CSMD1: variants seen among roughly 807,000 people sequenced by gnomAD.
CSMD1 encodes the protein CUB and sushi domain-containing protein 1.
CSMD1 carries 213 observed loss-of-function variants against 417.5 expected under a neutral mutation model. That is an observed-to-expected ratio of 0.51 (90% CI 0.46 to 0.57). The LOEUF is 0.57. CSMD1 is among the 20% of genes least tolerant of loss of function. CSMD1 has a pLI of 0.00. For synonymous variants in CSMD1, 2,862 were observed against 1,736.8 expected, an observed-to-expected ratio of 1.65 and a Z score of -16.11; for missense variants, 6,923 against 4,529.7, an observed-to-expected ratio of 1.53 and a Z score of -15.17.
At chr8:3,589,215 T>C (rs983581561) in intron 8 of CSMD1, among the ~76,000 whole-genome samples, 2 of 152,146 alleles carry the variant, frequency 1.3e-5, no homozygotes, top group African/African-American at 4.8e-5. Context: ...AACTACTACA[T>C]GATCTAGAAT....
At chr8:3,278,086 G>A (rs1384936495) in intron 26 of CSMD1, among the ~76,000 whole-genome samples, 1 of 151,902 alleles carries the variant, frequency 6.6e-6, no homozygotes, top group Non-Finnish European at 1.5e-5. Context: ...GAGTTTCAAG[G>A]GAAAAAATAT....
At chr8:4,435,900 G>A (rs1798122564) in intron 2 of CSMD1, among the ~76,000 whole-genome samples, 3 of 152,138 alleles carry the variant, frequency 2.0e-5, no homozygotes, top group South Asian at 2.1e-4. Flanking sequence ...TGTGTCAAAT[G>A]TAGATTTGAC....
intron 12 of CSMD1, among the ~76,000 whole-genome samples, chr8:3,451,838 TC>T (rs1272245812): frequency 6.6e-6 from 1 of 152,184 alleles, no homozygotes; most frequent in Non-Finnish European, 1.5e-5. Context: ...AGTAGTTTTT[TC>T]CAATTACGTG....
chr8:4,447,377 T>C (rs1798876615), intron 2 of CSMD1, among the ~76,000 whole-genome samples: 1 of 152,196 alleles, frequency 6.6e-6, no homozygotes, highest in African/African-American at 2.4e-5. Flanking sequence ...AGAAATCCCT[T>C]TCAGCTCCTT....
At chr8:3,881,729 C>T (rs1433931488) in intron 5 of CSMD1, among the ~76,000 whole-genome samples, 1 of 151,470 alleles carries the variant, frequency 6.6e-6, no homozygotes, top group Non-Finnish European at 1.5e-5. Context: ...CTTACACTAC[C>T]AGTTATCAAA....
At chr8:4,379,452 G>C (rs867000143) in intron 3 of CSMD1, among the ~76,000 whole-genome samples, 5 of 152,180 alleles carry the variant, frequency 3.3e-5, no homozygotes, top group African/African-American at 9.7e-5. Flanking sequence ...TAATAATGCT[G>C]TGTCAACATT....
At chr8:4,398,935 A>C (rs746477298) in intron 3 of CSMD1, among the ~76,000 whole-genome samples, 3 of 152,198 alleles carry the variant, frequency 2.0e-5, no homozygotes, top group Admixed American at 6.5e-5. Flanking sequence ...ATGCTCCAGA[A>C]TATATTCTTG....
intron 3 of CSMD1, among the ~76,000 whole-genome samples, chr8:4,095,853 A>C (rs1049690535): frequency 6.6e-6 from 1 of 152,158 alleles, no homozygotes; most frequent in African/African-American, 2.4e-5. Context: ...AAAACTTTTT[A>C]AAGTGTTGAA....
chr8:3,004,342 C>T (rs574784136), intron 52 of CSMD1, among the ~76,000 whole-genome samples: 15 of 152,260 alleles, frequency 9.9e-5, no homozygotes, highest in African/African-American at 2.6e-4. Context: ...ACAGCTCGGA[C>T]ATCATGAAGC....
chr8:4,347,882 C>G (rs1028573739), intron 3 of CSMD1, among the ~76,000 whole-genome samples: 4 of 151,700 alleles, frequency 2.6e-5, no homozygotes, highest in African/African-American at 4.8e-5. Context: ...CAAAGTTAAT[C>G]CATGATAAGA....
chr8:4,323,133 A>C (rs1025535975), intron 3 of CSMD1, among the ~76,000 whole-genome samples: 1 of 152,234 alleles, frequency 6.6e-6, no homozygotes, highest in African/African-American at 2.4e-5. Flanking sequence ...GTGGTTCCAA[A>C]GTTGTTTCCT....
chr8:3,029,796 T>C (rs1044485928), intron 50 of CSMD1, among the ~76,000 whole-genome samples: 27 of 152,048 alleles, frequency 1.8e-4, no homozygotes, highest in African/African-American at 4.8e-4. Context: ...ATATGGCTCA[T>C]TGAAGTTGAT....
chr8:2,994,788 G>A (rs1255824801), intron 54 of CSMD1, among the ~76,000 whole-genome samples: 1 of 151,854 alleles, frequency 6.6e-6, no homozygotes, highest in Non-Finnish European at 1.5e-5. Context: ...AAACATAGAA[G>A]CCCTTCCTGA....
chr8:4,852,002 C>T (rs1801509108), intron 1 of CSMD1, among the ~76,000 whole-genome samples: 1 of 152,158 alleles, frequency 6.6e-6, no homozygotes, highest in Admixed American at 6.5e-5. Flanking sequence ...TCTCTGGACG[C>T]TTGATCTGTC....
intron 26 of CSMD1, among the ~76,000 whole-genome samples, chr8:3,255,996 GCCATCTTGGCTC>G (rs1368427109): frequency 6.6e-6 from 1 of 152,068 alleles, no homozygotes; most frequent in African/African-American, 2.4e-5. Context: ...TTCCTATTCG[GCCATCTTGGCTC>G]CCATCCAAGT....
chr8:3,309,003 C>A (rs911884638), intron 23 of CSMD1, among the ~76,000 whole-genome samples: 1 of 152,066 alleles, frequency 6.6e-6, no homozygotes, highest in Non-Finnish European at 1.5e-5. Flanking sequence ...GGATTACAGG[C>A]GTGAGCCACT....
intron 3 of CSMD1, among the ~76,000 whole-genome samples, chr8:4,143,920 T>C (rs370041871): frequency 1.3e-5 from 2 of 151,142 alleles, no homozygotes; most frequent in South Asian, 4.1e-4. Context: ...TGGGGTGAAT[T>C]GGCCCGTGTT....
At chr8:4,802,230 T>C (rs1798329851) in intron 1 of CSMD1, among the ~76,000 whole-genome samples, 1 of 152,190 alleles carries the variant, frequency 6.6e-6, no homozygotes, top group Non-Finnish European at 1.5e-5. Context: ...TGGCTTAAAC[T>C]AGTAGTGTTT....
At chr8:4,330,950 A>C (rs575590738) in intron 3 of CSMD1, among the ~76,000 whole-genome samples, 1 of 152,042 alleles carries the variant, frequency 6.6e-6, no homozygotes, top group Admixed American at 6.6e-5. Flanking sequence ...GTTCATTTTT[A>C]TAACTAAATG....
Sources: allele counts gnomAD v4.1 joint callset (sites outside exome capture counted in the v4.1 genomes callset), GRCh38; gene constraint gnomAD v4.1.1; transcripts MANE v1.5; gene names NCBI Gene and HGNC (gene_info 2026-07-23, HGNC 2026-07-21).